The following NCOA2 variants were observed in gnomAD, a reference collection of about 807,000 sequenced individuals.
NCOA2 encodes class E basic helix-loop-helix protein 75.
NCOA2 carries 21 observed loss-of-function variants against 145.1 expected under a neutral mutation model. The observed-to-expected ratio is 0.14, with a 90% confidence interval of 0.10 to 0.21. The LOEUF is 0.21. NCOA2 is among the 10% of genes least tolerant of loss of function. The pLI is 1.00. For missense variants in NCOA2, 1,472 were observed against 1,837.6 expected (o/e 0.80, Z 3.64); for synonymous variants, 619 against 637.5 (o/e 0.97, Z 0.44).
At position 70,111,760 on chromosome 8, in the gene NCOA2, G is replaced by C. The variant is rs370471367; in HGVS notation, c.*1872C>G. On this transcript the variant is annotated 3_prime_UTR_variant, in exon 23 of 23. Transcript: ENST00000452400. Reference sequence around the variant, plus strand: ...AGAGAGAGATATAAGTATAAATAGGGGTAGTTTGTACATTTTTCACCCTGC... The same window carrying C: ...AGAGAGAGATATAAGTATAAATAGGCGTAGTTTGTACATTTTTCACCCTGC... 1 of 218,984 alleles carries C rather than the reference G, an allele frequency of 4.6e-6. No homozygotes were observed. The highest frequency in any genetic ancestry group is 9.1e-6 in the Non-Finnish European group (1 of 109,404). The allele number at this position is 218,984 out of a possible 1,614,324, so 13.6% of individuals were successfully genotyped here. A position where few individuals can be genotyped will look rare whatever the true frequency, so the allele number is the denominator to read the frequency against.
chr8:70,232,490 A>G (rs1032004399), intron 2 of NCOA2, among the ~76,000 whole-genome samples: 11 of 152,086 alleles, frequency 7.2e-5, no homozygotes, highest in Non-Finnish European at 1.5e-4. Context: ...CACTTCAGTA[A>G]ATACCCGTTC....
the NCOA2 span, among the ~76,000 whole-genome samples, chr8:70,416,196 T>TTG: frequency 1.1e-5 from 1 of 88,362 alleles, no homozygotes; most frequent in Non-Finnish European, 2.3e-5. Flanking sequence ...AGTTTTTTTG[T>TTG]TTTTTTTTTT....
chr8:70,439,129 TG>T, the NCOA2 span, among the ~76,000 whole-genome samples: 1 of 152,206 alleles, frequency 6.6e-6, no homozygotes, highest in Non-Finnish European at 1.5e-5. Context: ...TATAAAATAC[TG>T]CCTTTTTTTC....
At chr8:70,410,823 G>T in the NCOA2 span, among the ~76,000 whole-genome samples, 8 of 152,282 alleles carry the variant, frequency 5.3e-5, no homozygotes, top group Non-Finnish European at 4.4e-5. Context: ...CTGTACAATT[G>T]CATTTATGCT....
intron 9 of NCOA2, among the ~76,000 whole-genome samples, chr8:70,161,696 A>G (rs930785050): frequency 6.6e-6 from 1 of 152,108 alleles, no homozygotes; most frequent in Admixed American, 6.5e-5. Context: ...ACTAGCTACA[A>G]ATTTTTTTCT....
intron 1 of NCOA2, among the ~76,000 whole-genome samples, chr8:70,371,146 G>A (rs749220106): frequency 1.1e-4 from 16 of 151,946 alleles, no homozygotes; most frequent in Non-Finnish European, 1.3e-4. Context: ...AAAATCAGCC[G>A]GGCGTGGTGG....
chr8:70,258,230 T>C (rs1823813045), intron 2 of NCOA2, among the ~76,000 whole-genome samples: 1 of 152,262 alleles, frequency 6.6e-6, no homozygotes, highest in South Asian at 2.1e-4. Flanking sequence ...GGGCATTTCT[T>C]GAATAACATC....
At chr8:70,364,003 TACA>T (rs1351097374) in intron 1 of NCOA2, among the ~76,000 whole-genome samples, 1 of 140,440 alleles carries the variant, frequency 7.1e-6, no homozygotes, top group Non-Finnish European at 1.5e-5. Flanking sequence ...ACAGGTGGGA[TACA>T]ACAATGAAAA....
At chr8:70,447,351 C>A in the NCOA2 span, among the ~76,000 whole-genome samples, 1 of 152,212 alleles carries the variant, frequency 6.6e-6, no homozygotes, top group Non-Finnish European at 1.5e-5. Context: ...TGCTTTGGGG[C>A]AAGCCATGAC....
the NCOA2 span, among the ~76,000 whole-genome samples, chr8:70,415,460 A>G: frequency 6.6e-6 from 1 of 152,202 alleles, no homozygotes; most frequent in East Asian, 1.9e-4. Flanking sequence ...TGCCTAAGAA[A>G]ACCCTTAGAA....
chr8:70,366,460 G>A lies in NCOA2; in HGVS notation c.-77+37240C>T, dbSNP rs377504285. Reference sequence around the variant, plus strand: ...ACTGGCTTTAATATGCCTTAGTCACGACTTGGTAAGACCAAAATATTTAAT... The same window carrying A: ...ACTGGCTTTAATATGCCTTAGTCACAACTTGGTAAGACCAAAATATTTAAT... On this transcript the variant is annotated intron_variant, in intron 1 of 22. Coordinates refer to ENST00000452400, the MANE Select transcript of NCOA2 (RefSeq NM_006540.4). Among the ~76,000 whole-genome samples the A allele has an allele frequency of 2.2e-4, 34 of 151,868 alleles. 1 individual carries two copies. In the South Asian group the frequency reaches 6.2e-3, roughly 28 times the overall value.
upstream of NCOA2, among the ~76,000 whole-genome samples, chr8:70,404,937 A>T (rs2039728428): frequency 6.6e-6 from 1 of 152,176 alleles, no homozygotes; most frequent in Non-Finnish European, 1.5e-5. Context: ...ATATTCCCTG[A>T]TTTTAATCTT....
At chr8:70,447,477 TC>T in the NCOA2 span, among the ~76,000 whole-genome samples, 1 of 152,126 alleles carries the variant, frequency 6.6e-6, no homozygotes. Context: ...ACCCATTGTG[TC>T]CAGTCTGTTC....
chr8:70,124,194 TGCATGAA>T, intron 20 of NCOA2, 112 bp from the exon 21 acceptor site: 1 of 1,003,076 alleles, frequency 1.0e-6, no homozygotes, highest in Admixed American at 2.5e-5. Context: ...AAACCTGAAC[TGCATGAA>T]CCCAGGCTGA....
At chr8:70,165,279 TA>T (rs1813481049) in intron 7 of NCOA2, among the ~76,000 whole-genome samples, 2 of 152,218 alleles carry the variant, frequency 1.3e-5, no homozygotes, top group African/African-American at 4.8e-5. Context: ...CAATAAAATT[TA>T]AATTTTAAAA....
chr8:70,398,011 G>A (rs1431193655), intron 1 of NCOA2, among the ~76,000 whole-genome samples: 1 of 152,064 alleles, frequency 6.6e-6, no homozygotes, highest in African/African-American at 2.4e-5. Flanking sequence ...CCCACTCTAT[G>A]TTCCCCCTTT....
At chr8:70,395,801 A>T (rs1316255384) in intron 1 of NCOA2, among the ~76,000 whole-genome samples, 1 of 152,222 alleles carries the variant, frequency 6.6e-6, no homozygotes, top group Non-Finnish European at 1.5e-5. Flanking sequence ...ACCAGAACTA[A>T]CACTCTCCAA....
At chr8:70,442,116 G>GAAAGA in the NCOA2 span, among the ~76,000 whole-genome samples, 13 of 82,350 alleles carry the variant, frequency 1.6e-4, no homozygotes, top group African/African-American at 6.7e-5. Context: ...GAGAAAGAAA[G>GAAAGA]AAGAAAGAAA....
chr8:70,430,147 C>T, the NCOA2 span, among the ~76,000 whole-genome samples: 1 of 152,052 alleles, frequency 6.6e-6, no homozygotes, highest in Non-Finnish European at 1.5e-5. Flanking sequence ...GCCACTGAGC[C>T]CAACCTGTAT....
Sources: allele counts gnomAD v4.1 joint callset (sites outside exome capture counted in the v4.1 genomes callset), GRCh38; gene constraint gnomAD v4.1.1; transcripts MANE v1.5; gene names NCBI Gene and HGNC (gene_info 2026-07-23, HGNC 2026-07-21).